SHISA6: variants seen among roughly 807,000 people sequenced by gnomAD.
The protein encoded by SHISA6 is protein shisa-6.
In SHISA6, 22 loss-of-function variants were observed where a neutral mutation model predicts 47.9. The ratio of observed to expected loss-of-function variants is 0.46; its 90% CI spans 0.33 to 0.66. The LOEUF (loss-of-function observed/expected upper bound fraction) is 0.66. Among genes scored for constraint, SHISA6 ranks in the 30% least tolerant of loss-of-function variants. SHISA6 has a pLI of 0.02. For missense variants in SHISA6, 680 were observed against 764.6 expected (o/e 0.89, Z 1.30); for synonymous variants, 388 against 337.8 (o/e 1.15, Z -1.63).
chr17:11,336,385 A>T (rs989898873), intron 2 of SHISA6, among the ~76,000 whole-genome samples: 1 of 151,928 alleles, frequency 6.6e-6, no homozygotes, highest in African/African-American at 2.4e-5. Flanking sequence ...GTAAGCTATT[A>T]TGGGGGCAGA....
At chr17:11,542,072 A>G (rs1160094314) in intron 3 of SHISA6, among the ~76,000 whole-genome samples, 1 of 152,328 alleles carries the variant, frequency 6.6e-6, no homozygotes, top group Non-Finnish European at 1.5e-5. Flanking sequence ...TGAGGGGTTT[A>G]TTAGCTCTAG....
intron 3 of SHISA6, among the ~76,000 whole-genome samples, chr17:11,451,513 T>C (rs1915402458): frequency 6.6e-6 from 1 of 152,176 alleles, no homozygotes; most frequent in South Asian, 2.1e-4. Context: ...TTAAATATGA[T>C]AGGTGGCCTG....
At position 11,300,305 on chromosome 17, in the gene SHISA6, TG is replaced by T. The variant is rs1447557918; in HGVS notation, c.799+36782del. ...TCCCAACCAGTGTAGACCTGGGCCCTGGGCACCACTGTGCCGTACTGACTTA... is the reference window on the plus strand; with the variant it reads ...TCCCAACCAGTGTAGACCTGGGCCCTGGCACCACTGTGCCGTACTGACTTA... On this transcript the variant is annotated intron_variant, in intron 2 of 5. Transcript: ENST00000441885. Among the ~76,000 whole-genome samples the T allele has an allele frequency of 1.6e-4, 25 of 152,298 alleles. No individual in the cohort carries two copies. The South Asian group carries it at 2.3e-3, about 14-fold the overall frequency.
chr17:11,459,659 G>A lies in SHISA6; in HGVS notation c.895+80150G>A, dbSNP rs574089463. On this transcript the variant is annotated intron_variant, in intron 3 of 5. Coordinates refer to ENST00000441885, the MANE Select transcript of SHISA6 (RefSeq NM_207386.4). ...TGAAGGTCCACACTCCCTAGCCTGC[G>A]TGACAGTCCCCAGTTGAGCAAGCTG... 5.7e-4 allele frequency among the ~76,000 whole-genome samples: 87 copies of A among 152,316 alleles called. 1 individual carries two copies. In the South Asian group the frequency reaches 0.012, roughly 21 times the overall value.
At chr17:11,454,499 C>T (rs1013628082) in intron 3 of SHISA6, among the ~76,000 whole-genome samples, 2 of 152,200 alleles carry the variant, frequency 1.3e-5, no homozygotes, top group African/African-American at 4.8e-5. Flanking sequence ...TGCATTCTGG[C>T]CCATGGCTAC....
chr17:11,311,437 A>G (rs1910339228), intron 2 of SHISA6, among the ~76,000 whole-genome samples: 1 of 152,036 alleles, frequency 6.6e-6, no homozygotes, highest in African/African-American at 2.4e-5. Context: ...AGTCATGGCT[A>G]TACTAGTAAA....
intron 3 of SHISA6, among the ~76,000 whole-genome samples, chr17:11,506,466 A>G (rs1416389778): frequency 6.6e-6 from 1 of 152,180 alleles, no homozygotes; most frequent in East Asian, 1.9e-4. Context: ...GGAAAATAGA[A>G]ATATTTTCCT....
At chr17:11,385,691 C>T (rs1459182326) in intron 3 of SHISA6, among the ~76,000 whole-genome samples, 3 of 152,024 alleles carry the variant, frequency 2.0e-5, no homozygotes, top group South Asian at 2.1e-4. Flanking sequence ...GAGTCGTGCT[C>T]TTCAGGTGAT....
rs145143150 is a variant in SHISA6, at chr17:11,366,221, C to T, written c.800-13193C>T. 4.1e-3 allele frequency among the ~76,000 whole-genome samples: 621 copies of T among 152,282 alleles called. 1 individual carries two copies. The highest frequency in any genetic ancestry group is 0.014 in the African/African-American group (584 of 41,548). Reference sequence around the variant, plus strand: ...GGAGTGCAGTGACAGGATCTTGGCTCACTGCAACCTCCACCTCCCGGGCTC... The same window carrying T: ...GGAGTGCAGTGACAGGATCTTGGCTTACTGCAACCTCCACCTCCCGGGCTC... On this transcript the variant is annotated intron_variant, in intron 2 of 5. Coordinates refer to ENST00000441885, the MANE Select transcript of SHISA6 (RefSeq NM_207386.4).
chr17:11,373,419 A>G (rs201659464), intron 2 of SHISA6, among the ~76,000 whole-genome samples: 1 of 56,584 alleles, frequency 1.8e-5, no homozygotes, highest in Non-Finnish European at 3.8e-5. Flanking sequence ...AAAATTGTTT[A>G]ATTGTCAAGC....
At chr17:11,402,065 AG>A (rs36008809) in intron 3 of SHISA6, among the ~76,000 whole-genome samples, 6,075 of 152,252 alleles carry the variant, frequency 0.04, 161 homozygotes, top group South Asian at 0.06. Flanking sequence ...AGACATTGTA[AG>A]GGGCTCCTAA....
At position 11,241,255 on chromosome 17, in the gene SHISA6, C is replaced by T. The variant is rs955055368; in HGVS notation, c.-168C>T. ...GCGCCGGGCCGGTCCGTGCGCACCG[C>T]GCGCCGCCGCCGCCACTGCCGCCCG... On this transcript the variant is annotated 5_prime_UTR_variant, in exon 1 of 6. Coordinates refer to ENST00000441885, the MANE Select transcript of SHISA6 (RefSeq NM_207386.4). The surrounding 1 kb of genome is among the most constrained non-coding windows in gnomAD (Gnocchi z 5.5). The T allele has an allele frequency of 3.4e-5, 7 of 208,420 alleles. No individual in the cohort carries two copies. Among genetic ancestry groups the T allele is most frequent in the African/African-American group, 1.5e-4 (6 of 41,280 alleles). The allele number at this position is 208,420 out of a possible 1,614,324, so 12.9% of individuals were successfully genotyped here.
At chr17:11,276,693 T>G (rs1908907204) in intron 2 of SHISA6, among the ~76,000 whole-genome samples, 1 of 151,826 alleles carries the variant, frequency 6.6e-6, no homozygotes, top group African/African-American at 2.4e-5. Context: ...ACCACCACCA[T>G]CATCACCATC....
intron 3 of SHISA6, among the ~76,000 whole-genome samples, chr17:11,385,525 C>T (rs1290053717): frequency 2.0e-5 from 3 of 152,128 alleles, no homozygotes; most frequent in Admixed American, 6.5e-5. Flanking sequence ...AGGACGCATA[C>T]GAATTCAGTG....
At chr17:11,395,720 G>A (rs1913549478) in intron 3 of SHISA6, among the ~76,000 whole-genome samples, 1 of 152,032 alleles carries the variant, frequency 6.6e-6, no homozygotes, top group African/African-American at 2.4e-5. Flanking sequence ...GTTTCACCAT[G>A]TTGGCCACGC....
intron 3 of SHISA6, among the ~76,000 whole-genome samples, chr17:11,477,967 C>T (rs1321454184): frequency 9.2e-5 from 11 of 120,180 alleles, no homozygotes; most frequent in South Asian, 5.9e-4. Context: ...ATGGTATTTC[C>T]AGTTCTAGAT....
chr17:11,463,916 T>C (rs1201809082), intron 3 of SHISA6, among the ~76,000 whole-genome samples: 1 of 152,136 alleles, frequency 6.6e-6, no homozygotes, highest in African/African-American at 2.4e-5. Flanking sequence ...GCAGAAGGTT[T>C]TTTTTGTGTG....
intron 3 of SHISA6, among the ~76,000 whole-genome samples, chr17:11,394,619 C>T (rs557413855): frequency 2.1e-4 from 32 of 152,252 alleles, no homozygotes; most frequent in African/African-American, 5.5e-4. Context: ...ACTGCTTAAT[C>T]GTATATGCTA....
intron 2 of SHISA6, chr17:11,290,825 A>T (rs938575844): frequency 6.6e-6 from 1 of 152,048 alleles, no homozygotes; most frequent in African/African-American, 2.4e-5. Flanking sequence ...AGGCTAACCT[A>T]TGTTTATGAT....
Sources: allele counts gnomAD v4.1 joint callset (sites outside exome capture counted in the v4.1 genomes callset), GRCh38; gene constraint gnomAD v4.1.1; non-coding constraint Gnocchi (gnomAD v3.1); transcripts MANE v1.5; gene names NCBI Gene and HGNC (gene_info 2026-07-23, HGNC 2026-07-21).